Variants in BRINP1 observed in about 807,000 individuals in gnomAD.
BRINP1 encodes BMP/retinoic acid-inducible neural-specific protein 1.
In BRINP1, 17 loss-of-function variants were observed where a neutral mutation model predicts 72.9. The observed-to-expected ratio is 0.23, with a 90% CI of 0.16 to 0.35. The LOEUF (loss-of-function observed/expected upper bound fraction) is 0.35, where lower values mean the gene tolerates loss of function less well. Ranked by LOEUF, BRINP1 falls within the 10% of genes least tolerant of loss-of-function variation. BRINP1 has a pLI of 1.00. For synonymous variants in BRINP1, 418 were observed against 378.5 expected, an observed-to-expected ratio of 1.10 and a Z score of -1.21; for missense variants, 850 against 1,001.6, an observed-to-expected ratio of 0.85 and a Z score of 2.04.
intron 2 of BRINP1, among the ~76,000 whole-genome samples, chr9:119,311,639 G>A (rs1460448800): frequency 6.6e-6 from 1 of 152,152 alleles, no homozygotes; most frequent in African/African-American, 2.4e-5. Context: ...AAAAGATGAA[G>A]GAGCTTACCT....
intron 5 of BRINP1, 38 bp from the exon 6 acceptor site, chr9:119,214,193 TA>T (rs776132182): frequency 1.4e-6 from 2 of 1,471,938 alleles, no homozygotes; most frequent in Non-Finnish European, 1.9e-6. Context: ...CAGAAAGGTT[TA>T]AAAAAAGGTG....
At chr9:119,208,978 C>T (rs762903357) in intron 6 of BRINP1, 37 bp from the exon 7 acceptor site, 2 of 1,538,986 alleles carry the variant, frequency 1.3e-6, no homozygotes, top group Non-Finnish European at 1.8e-6. Flanking sequence ...AAGGGCTAAG[C>T]ATGATAACAC....
Position 119,358,930 on chromosome 9 carries a change from G to A in BRINP1, c.-51+10126C>T, listed in dbSNP as rs567782212. 3.9e-5 allele frequency among the ~76,000 whole-genome samples: 6 copies of A among 152,302 alleles called. No homozygotes were observed. In the South Asian group the frequency reaches 1.2e-3, roughly 32 times the overall value. On this transcript the variant is annotated intron_variant, in intron 1 of 7. Coordinates refer to ENST00000265922, the MANE Select transcript of BRINP1 (RefSeq NM_014618.3). Reference sequence around the variant, plus strand: ...ACTGTTATCCCACTGCCACATGGTGGGGAGGTTAGTAGAAATAATTGAGCA... The same window carrying A: ...ACTGTTATCCCACTGCCACATGGTGAGGAGGTTAGTAGAAATAATTGAGCA...
At chr9:119,252,598 T>G (rs1830403160) in intron 2 of BRINP1, among the ~76,000 whole-genome samples, 1 of 151,950 alleles carries the variant, frequency 6.6e-6, no homozygotes, top group South Asian at 2.1e-4. Flanking sequence ...TAACTTACTG[T>G]CTTGGGTTGC....
At chr9:119,291,030 G>A (rs1460707856) in intron 2 of BRINP1, among the ~76,000 whole-genome samples, 1 of 151,742 alleles carries the variant, frequency 6.6e-6, no homozygotes, top group Admixed American at 6.6e-5. Context: ...GGCTGAGGCA[G>A]GAGAAGCGCT....
rs1350604797 is a variant in BRINP1 at position 119,242,124 on chromosome 9, C to T, written c.502G>A (p.Ala168Thr). ...TCACGGTCAACAAAGTAGGATGATGCGAGCTGGTGCAGAGCTTCAACACTT... is the reference window on the plus strand; with the variant it reads ...TCACGGTCAACAAAGTAGGATGATGTGAGCTGGTGCAGAGCTTCAACACTT... ...TQSVEALHQL[A>T]SSYFVDRDGT... The change falls in exon 4 of 8, where the codon GCA becomes ACA. Residue 168 changes from alanine (A) to threonine (T), a missense_variant. By Grantham distance (58) the Ala-to-Thr change is moderately conservative (BLOSUM62 0). Coordinates refer to ENST00000265922, the MANE Select transcript of BRINP1 (RefSeq NM_014618.3). 9.3e-6 allele frequency: 15 copies of T among 1,613,974 alleles called. No homozygotes were observed. The highest frequency in any genetic ancestry group is 3.3e-5 in the South Asian group (3 of 91,084).
intron 2 of BRINP1, among the ~76,000 whole-genome samples, chr9:119,252,161 G>A (rs568132530): frequency 2.0e-3 from 311 of 152,216 alleles, no homozygotes; most frequent in African/African-American, 7.0e-3. Context: ...GCAAGGAGCC[G>A]AGGGAATCCT....
intron 1 of BRINP1, among the ~76,000 whole-genome samples, chr9:119,314,306 G>A (rs1186311812): frequency 1.3e-5 from 2 of 152,228 alleles, no homozygotes; most frequent in African/African-American, 4.8e-5. Context: ...ACCTTGTGGA[G>A]AGGATAGACC....
In BRINP1 at chr9:119,369,047, C is replaced by T. The variant is rs1409892762; in HGVS notation, c.-51+9G>A. 1.3e-5 allele frequency: 5 copies of T among 395,382 alleles called. No individual in the cohort carries two copies. Among genetic ancestry groups the T allele is most frequent in the African/African-American group, 2.1e-5 (1 of 48,530 alleles). 24.5% of individuals were successfully genotyped at this position (395,382 alleles called of 1,614,324 possible). ...GGGCTGCGGGGCGCTGCACCCGGCG[C>T]CGCCTTACCTGGAGTCAATGTCCGT... On this transcript the variant is annotated intron_variant, in intron 1 of 7. Coordinates refer to ENST00000265922, the MANE Select transcript of BRINP1 (RefSeq NM_014618.3).
At chr9:119,314,365 GT>G (rs1185051998) in intron 1 of BRINP1, among the ~76,000 whole-genome samples, 1 of 152,080 alleles carries the variant, frequency 6.6e-6, no homozygotes, top group African/African-American at 2.4e-5. Context: ...TACACTTTTT[GT>G]TTAGTTTTGT....
intron 1 of BRINP1, among the ~76,000 whole-genome samples, chr9:119,329,289 C>T (rs374109839): frequency 6.6e-6 from 1 of 152,134 alleles, no homozygotes; most frequent in Non-Finnish European, 1.5e-5. Context: ...CAGGTCCCTA[C>T]TGAAATCAGG....
At chr9:119,354,518 G>T (rs748348038) in intron 1 of BRINP1, among the ~76,000 whole-genome samples, 7 of 152,062 alleles carry the variant, frequency 4.6e-5, no homozygotes, top group Non-Finnish European at 8.8e-5. Context: ...CGAATCTCAG[G>T]CTTCATTTTA....
chr9:119,171,454 C>T lies in BRINP1; in HGVS notation c.1146-3230G>A, dbSNP rs556347101. Reference sequence around the variant, plus strand: ...TAACTATCCTAAATATATATGCACCCAATACAGGAGCACCCAGATTCATAA... The same window carrying T: ...TAACTATCCTAAATATATATGCACCTAATACAGGAGCACCCAGATTCATAA... On this transcript the variant is annotated intron_variant, in intron 7 of 7. Coordinates refer to ENST00000265922, the MANE Select transcript of BRINP1 (RefSeq NM_014618.3). Among the ~76,000 whole-genome samples, 348 of 149,792 alleles carry T rather than the reference C, an allele frequency of 2.3e-3. 1 individual carries two copies. The highest frequency in any genetic ancestry group is 8.1e-3 in the African/African-American group (331 of 40,930).
intron 1 of BRINP1, among the ~76,000 whole-genome samples, chr9:119,365,612 T>C (rs1323822259): frequency 1.3e-5 from 2 of 152,198 alleles, no homozygotes; most frequent in Admixed American, 1.3e-4. Context: ...GGCAAAGACC[T>C]TTTCAGAAAA....
Position 119,369,236 on chromosome 9 carries a change from T to C in BRINP1, c.-231A>G. The stretch of plus-strand genomic sequence containing the variant: ...TACTCAGCCGTAAAGTCCCCTTCGC[T>C]GGTCCCGAGGACAGGCATGAATCCC... On this transcript the variant is annotated 5_prime_UTR_variant, in exon 1 of 8. Transcript: ENST00000265922. 1.0e-5 allele frequency: 4 copies of C among 398,694 alleles called. No homozygotes were observed. In the Admixed American group the frequency reaches 1.3e-4, roughly 13 times the overall value. The allele number at this position is 398,694 out of a possible 1,614,324, so 24.7% of individuals were successfully genotyped here.
At chr9:119,181,232 G>C (rs1011041294) in intron 7 of BRINP1, among the ~76,000 whole-genome samples, 1 of 152,140 alleles carries the variant, frequency 6.6e-6, no homozygotes, top group African/African-American at 2.4e-5. Flanking sequence ...TATAATAACA[G>C]ACTTCAACCA....
intron 1 of BRINP1, among the ~76,000 whole-genome samples, chr9:119,351,705 A>G (rs894630672): frequency 1.2e-4 from 19 of 152,256 alleles, no homozygotes; most frequent in Admixed American, 2.0e-4. Flanking sequence ...CTGACATGAC[A>G]TCATGAATAA....
intron 3 of BRINP1, among the ~76,000 whole-genome samples, chr9:119,246,225 A>C (rs2118916338): frequency 6.6e-6 from 1 of 152,332 alleles, no homozygotes; most frequent in East Asian, 1.9e-4. Flanking sequence ...AAGGATGCAA[A>C]GTATTGTTCC....
intron 3 of BRINP1, among the ~76,000 whole-genome samples, chr9:119,248,211 T>C (rs867143289): frequency 6.6e-6 from 1 of 152,190 alleles, no homozygotes; most frequent in African/African-American, 2.4e-5. Context: ...GCCGGCGACT[T>C]TGTGAGTATG....
Sources: allele counts gnomAD v4.1 joint callset (sites outside exome capture counted in the v4.1 genomes callset), GRCh38; gene constraint gnomAD v4.1.1; transcripts MANE v1.5; gene names NCBI Gene and HGNC (gene_info 2026-07-23, HGNC 2026-07-21).